The following MYRIP variants were observed in gnomAD, a reference collection of about 807,000 sequenced individuals.
MYRIP encodes the protein myosin VIIA and Rab interacting protein.
In MYRIP, 49 loss-of-function variants were observed where a neutral mutation model predicts 98.0. That is an observed-to-expected ratio of 0.50 (90% CI 0.40 to 0.63). MYRIP has a LOEUF of 0.63. Ranked by LOEUF, MYRIP falls within the 30% of genes least tolerant of loss-of-function variation. The pLI is 0.00. For synonymous variants in MYRIP, 404 were observed against 409.5 expected, an observed-to-expected ratio of 0.99 and a Z score of 0.16; for missense variants, 1,004 against 1,058.2, an observed-to-expected ratio of 0.95 and a Z score of 0.71.
chr3:39,984,383 C>A (rs1048127103), intron 2 of MYRIP, among the ~76,000 whole-genome samples: 2 of 152,060 alleles, frequency 1.3e-5, no homozygotes, highest in Non-Finnish European at 2.9e-5. Context: ...GCCCTCCCCC[C>A]ATCCCACAAC....
chr3:39,989,471 C>G (rs769929715), intron 2 of MYRIP, among the ~76,000 whole-genome samples: 1 of 152,196 alleles, frequency 6.6e-6, no homozygotes, highest in Non-Finnish European at 1.5e-5. Flanking sequence ...TGTCTGACAA[C>G]CCCTGTTGGA....
intron 2 of MYRIP, among the ~76,000 whole-genome samples, chr3:39,928,835 C>T (rs914109829): frequency 6.6e-6 from 1 of 151,798 alleles, no homozygotes; most frequent in Non-Finnish European, 1.5e-5. Flanking sequence ...CTAGATTATG[C>T]AATAGATGAG....
chr3:39,901,702 A>G (rs966083880), intron 2 of MYRIP, among the ~76,000 whole-genome samples: 1 of 152,202 alleles, frequency 6.6e-6, no homozygotes, highest in African/African-American at 2.4e-5. Flanking sequence ...GACACTAAGC[A>G]AAAACCTGTT....
chr3:39,819,996 G>A lies in MYRIP; in HGVS notation c.-31+10080G>A, dbSNP rs1250968627. On this transcript the variant is annotated intron_variant, in intron 1 of 16. Coordinates refer to ENST00000302541, the MANE Select transcript of MYRIP (RefSeq NM_015460.4). ...CCATTTTGTGGCTGTGATTTACAAT[G>A]TGATACCACTGATGAGACAGATGTG... Among the ~76,000 whole-genome samples the A allele has an allele frequency of 2.0e-5, 3 of 152,188 alleles. No individual in the cohort carries two copies. In the East Asian group the frequency reaches 5.8e-4, roughly 29 times the overall value.
At chr3:39,858,572 A>C (rs1011559648) in intron 1 of MYRIP, among the ~76,000 whole-genome samples, 13 of 137,978 alleles carry the variant, frequency 9.4e-5, no homozygotes, top group African/African-American at 3.6e-4. Flanking sequence ...TTTCCATCCA[A>C]TAGAAGCAAA....
At chr3:39,945,491 AG>A (rs1391033633) in intron 2 of MYRIP, among the ~76,000 whole-genome samples, 2,571 of 127,900 alleles carry the variant, frequency 0.02, 146 homozygotes, top group East Asian at 0.087. Flanking sequence ...AAAAAAAAAA[AG>A]AAAAAAGAAA....
chr3:40,140,094 A>G (rs1949860930), intron 3 of MYRIP, among the ~76,000 whole-genome samples: 2 of 152,216 alleles, frequency 1.3e-5, no homozygotes, highest in Non-Finnish European at 2.9e-5. Flanking sequence ...TGTCTTGGGC[A>G]GTGGTGAGAC....
intron 2 of MYRIP, among the ~76,000 whole-genome samples, chr3:39,912,365 A>G (rs1034293380): frequency 1.3e-5 from 2 of 152,224 alleles, no homozygotes; most frequent in Admixed American, 1.3e-4. Context: ...GAAGACACCA[A>G]ATAATTAAGT....
chr3:40,005,063 T>C (rs578160644), intron 2 of MYRIP, among the ~76,000 whole-genome samples: 8 of 152,334 alleles, frequency 5.3e-5, no homozygotes, highest in Non-Finnish European at 1.0e-4. Flanking sequence ...TTGCTTAGAA[T>C]AATGGCCTCC....
intron 1 of MYRIP, among the ~76,000 whole-genome samples, chr3:39,846,393 C>T (rs1941967453): frequency 6.6e-6 from 1 of 152,196 alleles, no homozygotes; most frequent in Admixed American, 6.5e-5. Flanking sequence ...ACCCTGTCTC[C>T]CACCTTTCCT....
rs771498660 is a variant in MYRIP at position 39,922,112 on chromosome 3, T to TTTTTG, written c.110+21210_110+21214dup. 7.7e-4 allele frequency among the ~76,000 whole-genome samples: 117 copies of TTTTTG among 152,088 alleles called. 1 individual carries two copies. The East Asian group carries it at 0.017, about 22-fold the overall frequency. The stretch of plus-strand genomic sequence containing the variant: ...TGGCATGGTGTTGAGTTCTCTTAGG[T>TTTTTG]TTTTGTTTTGTTTTGTTTTGTTTTG... On this transcript the variant is annotated intron_variant, in intron 2 of 16. Coordinates refer to ENST00000302541, the MANE Select transcript of MYRIP (RefSeq NM_015460.4).
intron 9 of MYRIP, among the ~76,000 whole-genome samples, chr3:40,188,959 T>C (rs1046966118): frequency 3.3e-5 from 5 of 152,198 alleles, no homozygotes; most frequent in African/African-American, 9.6e-5. Context: ...ACCCCCAGCA[T>C]GCAGATCAAT....
intron 1 of MYRIP, among the ~76,000 whole-genome samples, chr3:39,899,908 C>T (rs1943705347): frequency 6.6e-6 from 1 of 152,166 alleles, no homozygotes; most frequent in Non-Finnish European, 1.5e-5. Context: ...GCAACCTCTG[C>T]CTCCCAGGTT....
At chr3:40,029,789 G>T (rs560350751) in intron 2 of MYRIP, among the ~76,000 whole-genome samples, 1 of 152,170 alleles carries the variant, frequency 6.6e-6, no homozygotes, top group African/African-American at 2.4e-5. Context: ...CCTGGTCCTG[G>T]TGGCTCATGC....
chr3:40,000,106 A>G (rs548909455), intron 2 of MYRIP, among the ~76,000 whole-genome samples: 5 of 152,230 alleles, frequency 3.3e-5, no homozygotes, highest in East Asian at 1.9e-4. Context: ...CAGCACACCA[A>G]CATGGCACAT....
At chr3:40,007,909 G>A (rs1332621903) in intron 2 of MYRIP, among the ~76,000 whole-genome samples, 1 of 152,192 alleles carries the variant, frequency 6.6e-6, no homozygotes, top group African/African-American at 2.4e-5. Flanking sequence ...CTTAATCAAA[G>A]TCTATAGGTT....
chr3:39,940,270 G>A lies in MYRIP; in HGVS notation c.110+39344G>A, dbSNP rs566387476. Among the ~76,000 whole-genome samples the A allele has an allele frequency of 2.0e-4, 31 of 151,986 alleles. 1 individual carries two copies. Among genetic ancestry groups the A allele is most frequent in the African/African-American group, 6.3e-4 (26 of 41,456 alleles). On this transcript the variant is annotated intron_variant, in intron 2 of 16. Coordinates refer to ENST00000302541, the MANE Select transcript of MYRIP (RefSeq NM_015460.4). ...GGAGAATTTTTAATGATGAATATACGTTTGTGTTTAAATGAAAAATATCAG... is the reference window on the plus strand; with the variant it reads ...GGAGAATTTTTAATGATGAATATACATTTGTGTTTAAATGAAAAATATCAG...
At chr3:39,965,858 A>G (rs72870062) in intron 2 of MYRIP, among the ~76,000 whole-genome samples, 4,410 of 152,284 alleles carry the variant, frequency 0.029, 223 homozygotes, top group African/African-American at 0.1. Flanking sequence ...CAAAATTTAA[A>G]TGAAAAATAT....
chr3:40,047,641 C>T (rs905058038), intron 3 of MYRIP, among the ~76,000 whole-genome samples: 1 of 152,108 alleles, frequency 6.6e-6, no homozygotes, highest in East Asian at 1.9e-4. Flanking sequence ...TGTTCATTCC[C>T]TATTTTTCTG....
Sources: allele counts gnomAD v4.1 joint callset (sites outside exome capture counted in the v4.1 genomes callset), GRCh38; gene constraint gnomAD v4.1.1; transcripts MANE v1.5; gene names NCBI Gene and HGNC (gene_info 2026-07-23, HGNC 2026-07-21).